Variants in KAZN observed in about 807,000 individuals in gnomAD.
KAZN encodes kazrin.
Under a neutral mutation model 87.4 loss-of-function variants are expected in KAZN, and 40 were observed. That is an observed-to-expected ratio of 0.46 (90% CI 0.36 to 0.60). KAZN has a LOEUF of 0.60. Ranked by LOEUF, KAZN falls within the 20% of genes least tolerant of loss-of-function variation. The probability of loss-of-function intolerance (pLI) is 0.00; values close to 1 mark genes in which losing one functional copy is unlikely to be tolerated. For missense variants in KAZN, 898 were observed against 1,073.9 expected (o/e 0.84, Z 2.29); for synonymous variants, 466 against 458.3 (o/e 1.02, Z -0.22).
chr1:14,471,241 GCT>G (rs973456299), intron 2 of KAZN, among the ~76,000 whole-genome samples: 2 of 152,076 alleles, frequency 1.3e-5, no homozygotes, highest in African/African-American at 4.8e-5. Context: ...AATACGGCTG[GCT>G]ATCATTCTTG....
chr1:14,471,235 C>T (rs757273156), intron 2 of KAZN, among the ~76,000 whole-genome samples: 20 of 152,096 alleles, frequency 1.3e-4, no homozygotes, highest in Non-Finnish European at 2.1e-4. Context: ...CTAATGAATA[C>T]GGCTGGCTAT....
Position 15,103,537 on chromosome 1 carries a change from G to A in KAZN, c.1881+77G>A, listed in dbSNP as rs560465537. On this transcript the variant is annotated intron_variant, in intron 12 of 14. Transcript: ENST00000376030. ...TGCAAATCTATATGCAAATCAATATGCAAATCACATGCAAATCAATATGCA... is the reference window on the plus strand; with the variant it reads ...TGCAAATCTATATGCAAATCAATATACAAATCACATGCAAATCAATATGCA... The A allele has an allele frequency of 1.7e-5, 15 of 908,514 alleles. No homozygotes were observed. In the African/African-American group the frequency reaches 2.3e-4, roughly 14 times the overall value. The allele number at this position is 908,514 out of a possible 1,614,324, so 56.3% of individuals were successfully genotyped here. A position where few individuals can be genotyped will look rare whatever the true frequency, so the allele number is the denominator to read the frequency against.
At chr1:14,642,903 A>G (rs1680514187) in intron 1 of KAZN, among the ~76,000 whole-genome samples, 1 of 152,228 alleles carries the variant, frequency 6.6e-6, no homozygotes, top group Non-Finnish European at 1.5e-5. Context: ...ATACAGAGCT[A>G]CTGGATCTTT....
rs7515311 is a variant in KAZN at position 14,856,626 on chromosome 1, A to G, written c.227-104058A>G. On this transcript the variant is annotated intron_variant, in intron 1 of 14. Coordinates refer to ENST00000376030, the MANE Select transcript of KAZN (RefSeq NM_201628.3). The surrounding 1 kb of genome is among the most constrained non-coding windows in gnomAD (Gnocchi z 5.2). ...ACAATTCACTAAGTGTGATGCAGCCACACATTCTTTGGGTTTTTACATTTT... is the reference window on the plus strand; with the variant it reads ...ACAATTCACTAAGTGTGATGCAGCCGCACATTCTTTGGGTTTTTACATTTT... Among the ~76,000 whole-genome samples the G allele has an allele frequency of 1.3e-5, 2 of 152,212 alleles. No individual in the cohort carries two copies. Among genetic ancestry groups the G allele is most frequent in the East Asian group, 3.8e-4 (2 of 5,204 alleles).
chr1:14,181,957 TTTC>T (rs1036870588), intron 2 of KAZN, among the ~76,000 whole-genome samples: 2 of 152,118 alleles, frequency 1.3e-5, no homozygotes, highest in African/African-American at 4.8e-5. Flanking sequence ...AGTGCATATT[TTTC>T]TTCTCCTTCA....
intron 1 of KAZN, among the ~76,000 whole-genome samples, chr1:14,035,188 A>G (rs1247624162): frequency 6.6e-6 from 1 of 152,162 alleles, no homozygotes; most frequent in African/African-American, 2.4e-5. Context: ...AGGCAGATTA[A>G]TCCACTACAA....
chr1:14,457,827 T>G (rs1388755811), intron 2 of KAZN, among the ~76,000 whole-genome samples: 2 of 151,552 alleles, frequency 1.3e-5, no homozygotes. Flanking sequence ...TTGTTTTGTT[T>G]TTTTTTTTGA....
intron 2 of KAZN, among the ~76,000 whole-genome samples, chr1:14,588,528 C>T (rs993991615): frequency 2.0e-5 from 3 of 152,218 alleles, no homozygotes; most frequent in African/African-American, 4.8e-5. Context: ...AGGGAACTTA[C>T]GCACCTGAGT....
At chr1:14,386,795 G>T (rs1661944305) in intron 2 of KAZN, among the ~76,000 whole-genome samples, 1 of 151,874 alleles carries the variant, frequency 6.6e-6, no homozygotes, top group African/African-American at 2.4e-5. Flanking sequence ...ATGTGTCTTG[G>T]AGTTGCTCTT....
At chr1:14,549,438 G>A (rs1571910780) in intron 2 of KAZN, among the ~76,000 whole-genome samples, 1 of 152,042 alleles carries the variant, frequency 6.6e-6, no homozygotes, top group East Asian at 1.9e-4. Context: ...CAAACTTTGT[G>A]AGAAGAAAAC....
intron 1 of KAZN, among the ~76,000 whole-genome samples, chr1:14,844,137 T>C (rs1108071): frequency 0.22 from 32,895 of 152,034 alleles, 4,898 homozygotes; most frequent in African/African-American, 0.43. Flanking sequence ...TAGTCCAGAC[T>C]GAGCCTGCTT....
At chr1:15,080,532 T>C (rs1422432010) in intron 8 of KAZN, among the ~76,000 whole-genome samples, 1 of 152,200 alleles carries the variant, frequency 6.6e-6, no homozygotes, top group Non-Finnish European at 1.5e-5. Context: ...TCCCTGGTCC[T>C]GTGGGCTACC....
intron 2 of KAZN, among the ~76,000 whole-genome samples, chr1:14,464,569 C>T: frequency 6.6e-6 from 1 of 151,072 alleles, no homozygotes; most frequent in Non-Finnish European, 1.5e-5. Flanking sequence ...GATGGCGTCT[C>T]ACTCTGTCAC....
At chr1:14,861,358 G>A (rs963725906) in intron 1 of KAZN, among the ~76,000 whole-genome samples, 2 of 152,164 alleles carry the variant, frequency 1.3e-5, no homozygotes, top group Admixed American at 1.3e-4. Context: ...CAGCTTGGGT[G>A]ACAGAGTGAG....
chr1:15,092,052 G>GTTTTTTTTTTTTTTTTTTTTTT, intron 8 of KAZN, among the ~76,000 whole-genome samples: 1 of 82,656 alleles, frequency 1.2e-5, no homozygotes, highest in Non-Finnish European at 2.3e-5. Context: ...CAGAGGTTTT[G>GTTTTTTTTTTTTTTTTTTTTTT]TTTTTTTGTT....
intron 1 of KAZN, among the ~76,000 whole-genome samples, chr1:14,657,071 G>C (rs1424217242): frequency 7.4e-6 from 1 of 135,942 alleles, no homozygotes; most frequent in Admixed American, 8.2e-5. Flanking sequence ...GGGGTGAAGA[G>C]AGAGGCTTTT....
At chr1:14,084,678 A>G (rs1432068029) in intron 1 of KAZN, among the ~76,000 whole-genome samples, 1 of 144,474 alleles carries the variant, frequency 6.9e-6, no homozygotes, top group Non-Finnish European at 1.5e-5. Flanking sequence ...GCCATCTTAT[A>G]TCAATACAAT....
intron 1 of KAZN, among the ~76,000 whole-genome samples, chr1:14,074,656 C>T (rs1455886530): frequency 6.6e-6 from 1 of 152,108 alleles, no homozygotes; most frequent in Non-Finnish European, 1.5e-5. Flanking sequence ...GACAGGGGAC[C>T]CTCTAGCCCA....
chr1:14,714,806 T>TG (rs1642699528), intron 1 of KAZN, among the ~76,000 whole-genome samples: 2 of 149,278 alleles, frequency 1.3e-5, no homozygotes, highest in African/African-American at 4.9e-5. Context: ...TGTTTTTTTT[T>TG]TTTTTTGAGA....
Sources: gnomAD v4.1 joint callset for allele counts (sites outside exome capture counted in the v4.1 genomes callset) on GRCh38, gnomAD v4.1.1 for gene constraint, Gnocchi (gnomAD v3.1) non-coding constraint, MANE v1.5 for transcripts, NCBI Gene and HGNC (gene_info 2026-07-23, HGNC 2026-07-21) for gene names.